Variants in BLTP1 observed in about 807,000 individuals in gnomAD.
BLTP1 encodes fragile site-associated protein.
chr4:122,276,116 T>G, the BLTP1 span: 1 of 1,078,284 alleles, frequency 9.3e-7, no homozygotes, highest in Non-Finnish European at 1.3e-6. Context: ...TGTGAATTAT[T>G]TAGTTATTGT....
chr4:122,301,402 C>G, the BLTP1 span: 3 of 1,524,532 alleles, frequency 2.0e-6, no homozygotes, highest in Admixed American at 1.9e-5. Context: ...TTCAAGGTAA[C>G]ATAAATATAA....
the BLTP1 span, chr4:122,306,129 G>GTAAA: frequency 7.5e-7 from 1 of 1,336,950 alleles, no homozygotes; most frequent in Non-Finnish European, 1.0e-6. Flanking sequence ...GTTTACTGGT[G>GTAAA]TAAATGCTTG....
the BLTP1 span, among the ~76,000 whole-genome samples, chr4:122,350,581 T>A: frequency 5.3e-5 from 8 of 152,244 alleles, no homozygotes; most frequent in East Asian, 1.3e-3. Context: ...ACTAACTAAA[T>A]ATATAAGATA....
At chr4:122,183,389 A>C in the BLTP1 span, 1 of 981,528 alleles carries the variant, frequency 1.0e-6, no homozygotes, top group Non-Finnish European at 1.2e-6. Context: ...GCACTCTAGA[A>C]ATTCTAGAAT....
the BLTP1 span, among the ~76,000 whole-genome samples, chr4:122,302,450 T>G: frequency 6.6e-6 from 1 of 152,348 alleles, no homozygotes; most frequent in African/African-American, 2.4e-5. Flanking sequence ...TTTTCATTAG[T>G]ATTATATGTC....
the BLTP1 span, among the ~76,000 whole-genome samples, chr4:122,161,841 A>T: frequency 6.6e-6 from 1 of 152,218 alleles, no homozygotes; most frequent in South Asian, 2.1e-4. Context: ...ATTTTTTATA[A>T]TGATGCATTT....
At chr4:122,289,749 G>T in the BLTP1 span, 6 of 968,860 alleles carry the variant, frequency 6.2e-6, no homozygotes, top group African/African-American at 1.1e-4. Flanking sequence ...CATGTTAAAA[G>T]AATTTTTAAG....
chr4:122,356,753 A>G, the BLTP1 span: 1 of 1,609,294 alleles, frequency 6.2e-7, no homozygotes, highest in South Asian at 1.1e-5. Context: ...GAAAAAGAAA[A>G]AGGTGGGTGG....
At chr4:122,257,433 A>G in the BLTP1 span, 2 of 1,614,090 alleles carry the variant, frequency 1.2e-6, no homozygotes, top group East Asian at 4.5e-5. Context: ...CTTGGATTGG[A>G]CAATGGGGGT....
the BLTP1 span, chr4:122,215,520 G>T: frequency 1.0e-6 from 1 of 985,148 alleles, no homozygotes; most frequent in African/African-American, 1.7e-5. Context: ...ATTTTCTGGG[G>T]GCCATTTACA....
chr4:122,202,458 T>C, the BLTP1 span: 5,439 of 255,050 alleles, frequency 0.021, 155 homozygotes, highest in African/African-American at 0.081. Context: ...TACAGAGAGG[T>C]AAAACAGTAT....
At chr4:122,221,916 G>A in the BLTP1 span, 1 of 983,780 alleles carries the variant, frequency 1.0e-6, no homozygotes, top group Non-Finnish European at 1.2e-6. Context: ...CTTTTAAAAG[G>A]CTTTTCCAGA....
chr4:122,183,428 A>G, the BLTP1 span: 14 of 983,054 alleles, frequency 1.4e-5, no homozygotes, highest in South Asian at 4.7e-5. Context: ...AGAAAATTCT[A>G]AAGTGGTCAG....
At chr4:122,337,417 T>G in the BLTP1 span, among the ~76,000 whole-genome samples, 5 of 152,060 alleles carry the variant, frequency 3.3e-5, no homozygotes. Flanking sequence ...CTCATGTAAT[T>G]TATTGAATGT....
chr4:122,243,048 A>G, the BLTP1 span: 6 of 1,612,718 alleles, frequency 3.7e-6, no homozygotes, highest in Non-Finnish European at 5.1e-6. Context: ...GAGGCATGCA[A>G]CTTTCAGGAT....
chr4:122,197,633 G>GT, the BLTP1 span: 6 of 188,914 alleles, frequency 3.2e-5, no homozygotes, highest in African/African-American at 4.8e-5. Flanking sequence ...TGTACCAGAC[G>GT]TTTGGGCAGT....
At chr4:122,315,318 G>T in the BLTP1 span, 3 of 1,102,980 alleles carry the variant, frequency 2.7e-6, no homozygotes, top group Non-Finnish European at 3.9e-6. Flanking sequence ...TACACATAGA[G>T]AAATCAATCC....
the BLTP1 span, among the ~76,000 whole-genome samples, chr4:122,157,979 T>A: frequency 3.3e-5 from 5 of 152,230 alleles, no homozygotes; most frequent in South Asian, 8.3e-4. Flanking sequence ...GGGTGGGTAG[T>A]TTGCTGTGTA....
chr4:122,174,564 C>A, the BLTP1 span: 1 of 1,607,984 alleles, frequency 6.2e-7, no homozygotes, highest in East Asian at 2.2e-5. Flanking sequence ...TTTTTTCCTT[C>A]CTATAACAGG....
Sources: gnomAD v4.1 joint callset for allele counts (sites outside exome capture counted in the v4.1 genomes callset) on GRCh38, gnomAD v4.1.1 for gene constraint, MANE v1.5 for transcripts, NCBI Gene and HGNC (gene_info 2026-07-23, HGNC 2026-07-21) for gene names.